The following CALM2 variants were observed in gnomAD, a reference collection of about 807,000 sequenced individuals.
CALM2 encodes calmodulin-2.
CALM2 carries 2 observed loss-of-function variants against 19.8 expected under a neutral mutation model. That is an observed-to-expected ratio of 0.10 (90% CI 0.04 to 0.32). The LOEUF is 0.32. Among genes scored for constraint, CALM2 ranks in the 10% least tolerant of loss-of-function variants. CALM2 has a pLI of 1.00. For missense variants in CALM2, 38 were observed against 178.7 expected, an observed-to-expected ratio of 0.21 and a Z score of 4.49; for synonymous variants, 51 against 52.1, an observed-to-expected ratio of 0.98 and a Z score of 0.09.
chr2:47,171,447 T>G (rs1337435787), intron 1 of CALM2: 1 of 152,344 alleles, frequency 6.6e-6, no homozygotes, highest in Non-Finnish European at 1.5e-5. Flanking sequence ...AACCTTACAG[T>G]GGTATTATCC....
At position 47,169,516 on chromosome 2, in the gene CALM2, A is replaced by G. The variant is rs76894378; in HGVS notation, c.34+1218T>C. Among the ~76,000 whole-genome samples the G allele has an allele frequency of 7.1e-3, 1,081 of 151,622 alleles. 7 individuals are homozygous for G. The highest frequency in any genetic ancestry group is 0.012 in the Admixed American group (189 of 15,224). ...ACCTTTAAAACAGTGTAACTCAACA[A>G]AAAAAAAATTATTCCCAAAACTGTT... On this transcript the variant is annotated intron_variant, in intron 2 of 5. Transcript: ENST00000272298.
chr2:47,170,637 C>A lies in CALM2; in HGVS notation c.34+97G>T, dbSNP rs191264385. 2.1e-5 allele frequency: 20 copies of A among 964,408 alleles called. No individual in the cohort carries two copies. In the South Asian group the frequency reaches 2.3e-4, roughly 11 times the overall value. 59.7% of individuals were successfully genotyped at this position (964,408 alleles called of 1,614,324 possible). A position where few individuals can be genotyped will look rare whatever the true frequency, so the allele number is the denominator to read the frequency against. On this transcript the variant is annotated intron_variant, in intron 2 of 5. Coordinates refer to ENST00000272298, the MANE Select transcript of CALM2 (RefSeq NM_001743.6). Reference sequence around the variant, plus strand: ...ATATGTTAGTATCCATGACATATACCAAAGTCAATTATTTCATACAAGTCT... The same window carrying A: ...ATATGTTAGTATCCATGACATATACAAAAGTCAATTATTTCATACAAGTCT...
rs1687110018 is a variant in CALM2 at position 47,160,095 on chromosome 2, C to G, written c.*681G>C. On this transcript the variant is annotated 3_prime_UTR_variant, in exon 6 of 6. Coordinates refer to ENST00000272298, the MANE Select transcript of CALM2 (RefSeq NM_001743.6). Reference sequence around the variant, plus strand: ...TTATCTAGACTATACCAAGCAGAAACCAATGCCATATTTTATTTTCAAAAT... The same window carrying G: ...TTATCTAGACTATACCAAGCAGAAAGCAATGCCATATTTTATTTTCAAAAT... 1 of 152,534 alleles carries G rather than the reference C, an allele frequency of 6.6e-6. No individual in the cohort carries two copies. The highest frequency in any genetic ancestry group is 1.5e-5 in the Non-Finnish European group (1 of 68,026). 9.4% of individuals were successfully genotyped at this position (152,534 alleles called of 1,614,324 possible).
At chr2:47,176,746 G>A (rs560326480), upstream of CALM2, 23 of 1,371,824 alleles carry the variant, frequency 1.7e-5, no homozygotes, top group East Asian at 2.9e-5. Context: ...AAGGCCGGTG[G>A]AGCGGCCCCT....
intron 3 of CALM2, 47 bp downstream of exon 3, chr2:47,162,472 G>C: frequency 3.7e-6 from 6 of 1,611,626 alleles, no homozygotes; most frequent in Non-Finnish European, 4.2e-6. Context: ...AAACATCTAA[G>C]TATCACTTCT....
chr2:47,176,209 G>A (rs1666862252), intron 1 of CALM2: 1 of 538,808 alleles, frequency 1.9e-6, no homozygotes, highest in South Asian at 2.6e-5. Flanking sequence ...ACCACCTCGG[G>A]AACTGTGCGT....
At chr2:47,170,674 G>T in intron 2 of CALM2, 60 bp downstream of exon 2, 1 of 1,240,650 alleles carries the variant, frequency 8.1e-7, no homozygotes, top group African/African-American at 1.5e-5. Flanking sequence ...TTATTCTGAC[G>T]TTGGCTATTC....
chr2:47,174,791 A>G (rs917933327), intron 1 of CALM2, among the ~76,000 whole-genome samples: 1 of 152,254 alleles, frequency 6.6e-6, no homozygotes, highest in African/African-American at 2.4e-5. Flanking sequence ...AATGTTTATT[A>G]CATATGCCTG....
intron 2 of CALM2, among the ~76,000 whole-genome samples, chr2:47,168,772 A>G (rs1270041778): frequency 4.2e-5 from 4 of 94,818 alleles, no homozygotes; most frequent in Admixed American, 2.5e-4. Flanking sequence ...CTTATATTCA[A>G]TAGACACAAA....
At chr2:47,162,953 A>T (rs1051622694) in intron 2 of CALM2, 3 of 228,428 alleles carry the variant, frequency 1.3e-5, no homozygotes, top group African/African-American at 6.9e-5. Context: ...GACCAATCAT[A>T]CCACTGTACT....
At chr2:47,176,313 T>C (rs915925383) in intron 1 of CALM2, 128 bp downstream of exon 1, 1 of 1,185,616 alleles carries the variant, frequency 8.4e-7, no homozygotes, top group Non-Finnish European at 1.2e-6. Context: ...CTGGCCTCTT[T>C]CGCGCCATCC....
intron 1 of CALM2, among the ~76,000 whole-genome samples, chr2:47,175,463 G>A (rs1169173830): frequency 6.6e-6 from 1 of 152,170 alleles, no homozygotes; most frequent in Non-Finnish European, 1.5e-5. Flanking sequence ...GAAACGCCTT[G>A]TAGAACCCTA....
chr2:47,162,492 C>G, intron 3 of CALM2, 27 bp downstream of exon 3: 1 of 1,613,896 alleles, frequency 6.2e-7, no homozygotes, highest in Non-Finnish European at 8.5e-7. Context: ...TTCAACCCCT[C>G]CCAGCCCCAC....
upstream of CALM2, chr2:47,176,636 G>A (rs1449284325): frequency 4.0e-6 from 6 of 1,493,498 alleles, no homozygotes; most frequent in African/African-American, 1.4e-5. Context: ...ACTCTTCTCG[G>A]GACCCCTTTC....
chr2:47,173,757 TACA>T (rs1666753797), intron 1 of CALM2: 1 of 152,356 alleles, frequency 6.6e-6, no homozygotes, highest in South Asian at 2.1e-4. Context: ...GCTACTTTGA[TACA>T]ACAAGGATTC....
chr2:47,164,260 A>G lies in CALM2; in HGVS notation c.35-1598T>C, dbSNP rs1170068371. Reference sequence around the variant, plus strand: ...CTCAAAAAAAAAAAAAAAGAAGAAAAAGAAAAGAAACCCCGTCTCTACTAA... The same window carrying G: ...CTCAAAAAAAAAAAAAAAGAAGAAAGAGAAAAGAAACCCCGTCTCTACTAA... On this transcript the variant is annotated intron_variant, in intron 2 of 5. Transcript: ENST00000272298. 4.5e-4 allele frequency among the ~76,000 whole-genome samples: 11 copies of G among 24,228 alleles called. No homozygotes were observed. The Admixed American group carries it at 5.6e-3, about 12-fold the overall frequency. 15.9% of individuals were successfully genotyped at this position (24,228 alleles called of 152,430 possible).
In CALM2 at chr2:47,164,710, T is replaced by C. The variant is rs1666405254; in HGVS notation, c.35-2048A>G. Among the ~76,000 whole-genome samples, 4 of 151,988 alleles carry C rather than the reference T, an allele frequency of 2.6e-5. No homozygotes were observed. In the South Asian group the frequency reaches 8.3e-4, roughly 32 times the overall value. On this transcript the variant is annotated intron_variant, in intron 2 of 5. Transcript: ENST00000272298. ...TCCAAGTAAGTCATTTCCCAGAAAA[T>C]ATTAGACCCTATCAGCAAATGAATA...
At chr2:47,166,035 T>C (rs1331839003) in intron 2 of CALM2, among the ~76,000 whole-genome samples, 1 of 152,212 alleles carries the variant, frequency 6.6e-6, no homozygotes, top group Non-Finnish European at 1.5e-5. Flanking sequence ...ATAGAGGAAC[T>C]CATCTAATAC....
At chr2:47,172,807 T>A (rs868057298) in intron 1 of CALM2, 2 of 36,724 alleles carry the variant, frequency 5.4e-5, no homozygotes, top group Non-Finnish European at 4.6e-5. Flanking sequence ...CTACATGGGT[T>A]GGGGGGGGGG....
Sources: allele counts gnomAD v4.1 joint callset (sites outside exome capture counted in the v4.1 genomes callset), GRCh38; gene constraint gnomAD v4.1.1; transcripts MANE v1.5; gene names NCBI Gene and HGNC (gene_info 2026-07-23, HGNC 2026-07-21).